The following CDC42 variants were observed in gnomAD, a reference collection of about 807,000 sequenced individuals.
The protein encoded by CDC42 is cell division cycle 42.
CDC42 carries 1 observed loss-of-function variant against 20.8 expected under a neutral mutation model. The observed-to-expected ratio is 0.05, with a 90% CI of 0.02 to 0.23. The LOEUF is 0.23. Among genes scored for constraint, CDC42 ranks in the 10% least tolerant of loss-of-function variants. The pLI, the probability that CDC42 is intolerant of heterozygous loss-of-function variation, is 1.00. For synonymous variants in CDC42, 72 were observed against 84.8 expected (o/e 0.85, Z 0.83); for missense variants, 49 against 227.9 (o/e 0.21, Z 5.05).
rs1044089553 is a variant in CDC42 at position 22,099,227 on chromosome 1, C to T, written c.*7710C>T. On this transcript the variant is annotated 3_prime_UTR_variant, in exon 6 of 6. Transcript: ENST00000656825. ...ATTAAGGAAGGAATATTAATCACAT[C>T]CAGGAGGGCTCTGCCCTAACTGCTG... 1.1e-4 allele frequency among the ~76,000 whole-genome samples: 17 copies of T among 152,232 alleles called. No homozygotes were observed. The highest frequency in any genetic ancestry group is 7.9e-4 in the Admixed American group (12 of 15,286).
chr1:22,056,142 A>G (rs1170943968), intron 1 of CDC42, among the ~76,000 whole-genome samples: 1 of 152,234 alleles, frequency 6.6e-6, no homozygotes, highest in East Asian at 1.9e-4. Context: ...ACTGCCATAC[A>G]TACAGTAGGT....
At chr1:22,084,495 T>A (rs1207806813) in intron 3 of CDC42, among the ~76,000 whole-genome samples, 1 of 152,092 alleles carries the variant, frequency 6.6e-6, no homozygotes, top group Non-Finnish European at 1.5e-5. Context: ...AATCAAGTTC[T>A]TTGCCCATTT....
At chr1:22,072,296 G>C (rs1349466611) in intron 1 of CDC42, among the ~76,000 whole-genome samples, 1 of 151,410 alleles carries the variant, frequency 6.6e-6, no homozygotes, top group Non-Finnish European at 1.5e-5. Flanking sequence ...TCGGGGTTTC[G>C]CCATGTTAGC....
Position 22,086,610 on chromosome 1 carries a change from T to C in CDC42, c.289-59T>C, listed in dbSNP as rs1354587113. The C allele has an allele frequency of 1.6e-5, 25 of 1,590,470 alleles. No homozygotes were observed. The Admixed American group carries it at 2.5e-4, about 16-fold the overall frequency. On this transcript the variant is annotated intron_variant, in intron 4 of 5. Transcript: ENST00000656825. ...TCTCAGAATTTCTACTGACCTGTTA[T>C]AAATAGCATTAGAGGCTTGTTGATT... is the stretch of plus-strand genomic sequence containing the variant.
chr1:22,082,683 C>T (rs1046062578), intron 3 of CDC42, among the ~76,000 whole-genome samples: 34 of 151,954 alleles, frequency 2.2e-4, no homozygotes, highest in African/African-American at 6.8e-4. Flanking sequence ...CTGTGTACCA[C>T]GAGGAACTAT....
chr1:22,088,247 T>C (rs2124043854), intron 5 of CDC42, among the ~76,000 whole-genome samples: 1 of 152,352 alleles, frequency 6.6e-6, no homozygotes, highest in Admixed American at 6.5e-5. Context: ...TGTTAGACAC[T>C]AATTCTGTGT....
At position 22,100,759 on chromosome 1, in the gene CDC42, T is replaced by C. The variant is rs1394590899; in HGVS notation, c.*9242T>C. 1.3e-5 allele frequency: 2 copies of C among 151,924 alleles called. No homozygotes were observed. The highest frequency in any genetic ancestry group is 1.3e-4 in the Admixed American group (2 of 15,262). 9.4% of individuals were successfully genotyped at this position (151,924 alleles called of 1,614,324 possible). A position where few individuals can be genotyped will look rare whatever the true frequency, so the allele number is the denominator to read the frequency against. On this transcript the variant is annotated 3_prime_UTR_variant, in exon 6 of 6. Coordinates refer to ENST00000656825, the MANE Select transcript of CDC42 (RefSeq NM_001791.4). ...CTCATACTCATTGCCAGGAGTAGAG[T>C]AAGGCTTTTAATTTCATCTCTAACC... is the stretch of plus-strand genomic sequence containing the variant.
intron 1 of CDC42, among the ~76,000 whole-genome samples, chr1:22,058,485 G>GTT (rs5772984): frequency 0.019 from 2,728 of 145,956 alleles, 68 homozygotes; most frequent in African/African-American, 0.048. Context: ...GTTATTTAAA[G>GTT]TTTTTTTTTT....
chr1:22,074,881 A>C (rs1026584817), intron 1 of CDC42, among the ~76,000 whole-genome samples: 2 of 152,232 alleles, frequency 1.3e-5, no homozygotes, highest in African/African-American at 2.4e-5. Context: ...CAAAGGGCCT[A>C]TTAGTTGTTT....
chr1:22,061,634 C>T (rs967630994), intron 1 of CDC42, among the ~76,000 whole-genome samples: 1 of 137,732 alleles, frequency 7.3e-6, no homozygotes, highest in African/African-American at 2.7e-5. Context: ...ACCTCTGCCT[C>T]CCGGGTTCAA....
intron 1 of CDC42, chr1:22,059,348 G>A (rs1645337722): frequency 6.6e-6 from 1 of 152,120 alleles, no homozygotes; most frequent in Admixed American, 6.6e-5. Flanking sequence ...TTGTGGTGAC[G>A]AGGAATGGTC....
chr1:22,099,356 C>T lies in CDC42; in HGVS notation c.*7839C>T, dbSNP rs1368787872. ...CTGTGTTAAGCACATGGTGTTATCA[C>T]ACTTGCTACTCACAACAGCTCTGAG... On this transcript the variant is annotated 3_prime_UTR_variant, in exon 6 of 6. Coordinates refer to ENST00000656825, the MANE Select transcript of CDC42 (RefSeq NM_001791.4). 6.6e-6 allele frequency among the ~76,000 whole-genome samples: 1 copy of T among 152,216 alleles called. No individual in the cohort carries two copies. The highest frequency in any genetic ancestry group is 1.5e-5 in the Non-Finnish European group (1 of 68,036).
chr1:22,089,482 A>G (rs527646830), intron 5 of CDC42, among the ~76,000 whole-genome samples: 14 of 152,296 alleles, frequency 9.2e-5, no homozygotes, highest in Admixed American at 8.5e-4. Flanking sequence ...TCTAGTTGGT[A>G]CTGTTGCACA....
At chr1:22,084,216 T>C (rs1338636030) in intron 3 of CDC42, among the ~76,000 whole-genome samples, 3 of 151,976 alleles carry the variant, frequency 2.0e-5, no homozygotes, top group Admixed American at 1.3e-4. Flanking sequence ...GGATCATGTT[T>C]TTAATTTTTT....
intron 1 of CDC42, among the ~76,000 whole-genome samples, chr1:22,054,921 A>ATATATATATT (rs1645285768): frequency 5.2e-5 from 1 of 19,396 alleles, no homozygotes; most frequent in Non-Finnish European, 8.9e-5. Flanking sequence ...ATATATATAT[A>ATATATATATT]TTTTTTTTTT....
intron 1 of CDC42, among the ~76,000 whole-genome samples, chr1:22,065,198 C>T (rs1033750573): frequency 6.6e-6 from 1 of 152,158 alleles, no homozygotes; most frequent in Non-Finnish European, 1.5e-5. Context: ...AGCATATGCC[C>T]TTTACTGCAA....
chr1:22,089,914 T>C (rs370470963), intron 5 of CDC42: 12 of 1,609,394 alleles, frequency 7.5e-6, no homozygotes, highest in Non-Finnish European at 1.0e-5. Context: ...ACCTGGCTGC[T>C]ATTCTCTCTC....
Position 22,093,907 on chromosome 1 carries a change from ATGAG to A in CDC42, c.*2392_*2395del, listed in dbSNP as rs1645738656. On this transcript the variant is annotated 3_prime_UTR_variant, in exon 6 of 6. Coordinates refer to ENST00000656825, the MANE Select transcript of CDC42 (RefSeq NM_001791.4). ...ATTGGATGGGTATATTATTTTATAAATGAGTAAGTGAAATAAAGCAGGTCATACA... is the reference window on the plus strand; with the variant it reads ...ATTGGATGGGTATATTATTTTATAAATAAGTGAAATAAAGCAGGTCATACA... Among the ~76,000 whole-genome samples the A allele has an allele frequency of 6.6e-6, 1 of 152,330 alleles. No homozygotes were observed. Among genetic ancestry groups the A allele is most frequent in the Non-Finnish European group, 1.5e-5 (1 of 68,032 alleles).
rs1404949511 is a variant in CDC42, at chr1:22,096,464, TAA to T, written c.*4950_*4951del. 6.6e-6 allele frequency among the ~76,000 whole-genome samples: 1 copy of T among 152,208 alleles called. No homozygotes were observed. Among genetic ancestry groups the T allele is most frequent in the Non-Finnish European group, 1.5e-5 (1 of 68,038 alleles). ...TTGCATTGCTCCCAAGAGAGTAATG[TAA>T]AAGTTTTATCTGTGCATGCATATTC... is the stretch of plus-strand genomic sequence containing the variant. On this transcript the variant is annotated 3_prime_UTR_variant, in exon 6 of 6. Transcript: ENST00000656825.
Sources: allele counts gnomAD v4.1 joint callset (sites outside exome capture counted in the v4.1 genomes callset), GRCh38; gene constraint gnomAD v4.1.1; transcripts MANE v1.5; gene names NCBI Gene and HGNC (gene_info 2026-07-23, HGNC 2026-07-21).